IQCM: variants seen among roughly 807,000 people sequenced by gnomAD.
IQCM encodes the protein IQ domain-containing protein M.
IQCM carries 45 observed loss-of-function variants against 57.6 expected under a neutral mutation model. The observed-to-expected ratio is 0.78, with a 90% confidence interval of 0.62 to 1.00. The LOEUF (loss-of-function observed/expected upper bound fraction) is 1.00. Among genes scored for constraint, IQCM ranks in the 50% least tolerant of loss-of-function variants. The pLI is 0.00. For missense variants in IQCM, 468 were observed against 511.6 expected (o/e 0.91, Z 0.82); for synonymous variants, 148 against 158.9 (o/e 0.93, Z 0.51).
chr4:149,510,063 C>A lies in IQCM; in HGVS notation c.1228+38392G>T, dbSNP rs1006155118. On this transcript the variant is annotated intron_variant, in intron 12 of 13. Transcript: ENST00000636793. ...ATATTATATTCTAATATATTGCCAA[C>A]ATGATTTCCACAAAAATATAGCAAA... 4.6e-5 allele frequency among the ~76,000 whole-genome samples: 7 copies of A among 152,206 alleles called. No individual in the cohort carries two copies. In the South Asian group the frequency reaches 1.5e-3, roughly 32 times the overall value.
At chr4:149,713,748 T>C (rs1290655386) in intron 5 of IQCM, among the ~76,000 whole-genome samples, 1 of 145,154 alleles carries the variant, frequency 6.9e-6, no homozygotes, top group Non-Finnish European at 1.5e-5. Context: ...ATATTTTACA[T>C]TCCCATCTAA....
intron 7 of IQCM, among the ~76,000 whole-genome samples, chr4:149,657,423 A>G (rs920682853): frequency 3.3e-5 from 5 of 152,130 alleles, no homozygotes; most frequent in Non-Finnish European, 7.4e-5. Flanking sequence ...ATTGTTAAAC[A>G]CTTAGGTTGA....
chr4:149,518,774 A>G (rs897640667), intron 12 of IQCM, among the ~76,000 whole-genome samples: 1 of 152,224 alleles, frequency 6.6e-6, no homozygotes, highest in Non-Finnish European at 1.5e-5. Context: ...CCAAGGAGCC[A>G]GACCAGGGAG....
intron 2 of IQCM, among the ~76,000 whole-genome samples, chr4:149,752,156 A>G (rs1768509652): frequency 6.6e-6 from 1 of 152,238 alleles, no homozygotes; most frequent in Non-Finnish European, 1.5e-5. Flanking sequence ...TGCATACAGT[A>G]TCATGTCTAG....
chr4:149,639,811 C>T (rs2150112252), intron 7 of IQCM, among the ~76,000 whole-genome samples: 1 of 152,210 alleles, frequency 6.6e-6, no homozygotes, highest in East Asian at 1.9e-4. Flanking sequence ...CATCTGTAGT[C>T]CCAGCTACTT....
intron 10 of IQCM, among the ~76,000 whole-genome samples, chr4:149,554,460 G>T (rs1749343052): frequency 6.6e-6 from 1 of 151,926 alleles, no homozygotes; most frequent in Admixed American, 6.6e-5. Flanking sequence ...GGGACTACAG[G>T]CACTCACCAT....
chr4:149,465,874 C>G (rs1738808865), intron 12 of IQCM, among the ~76,000 whole-genome samples: 1 of 151,876 alleles, frequency 6.6e-6, no homozygotes, highest in Admixed American at 6.6e-5. Context: ...TCAGGTGGCA[C>G]AGGGAGGACT....
At chr4:149,578,589 ACT>A (rs1751877976) in intron 9 of IQCM, among the ~76,000 whole-genome samples, 1 of 151,618 alleles carries the variant, frequency 6.6e-6, no homozygotes, top group Non-Finnish European at 1.5e-5. Context: ...AGAAGAGCTG[ACT>A]CTACCTACTC....
At chr4:149,667,060 A>G (rs1169206008) in intron 7 of IQCM, among the ~76,000 whole-genome samples, 33 of 152,180 alleles carry the variant, frequency 2.2e-4, no homozygotes, top group Admixed American at 2.1e-3. Flanking sequence ...ATCTCCCAGC[A>G]CAGCACTTGA....
chr4:149,589,082 G>C (rs1385933495), intron 8 of IQCM, among the ~76,000 whole-genome samples: 1 of 151,846 alleles, frequency 6.6e-6, no homozygotes, highest in Non-Finnish European at 1.5e-5. Context: ...CATTCAGTGT[G>C]GTCCAAATGT....
intron 7 of IQCM, among the ~76,000 whole-genome samples, chr4:149,664,915 G>A (rs1435884363): frequency 6.6e-6 from 1 of 152,160 alleles, no homozygotes; most frequent in Non-Finnish European, 1.5e-5. Flanking sequence ...CACAGGCGCA[G>A]CAGGTCAGCT....
chr4:149,542,441 C>G (rs1258020370), intron 12 of IQCM, among the ~76,000 whole-genome samples: 1 of 152,028 alleles, frequency 6.6e-6, no homozygotes, highest in Non-Finnish European at 1.5e-5. Context: ...AAAATGTCTG[C>G]ACATAGTAGA....
At chr4:149,409,484 T>C (rs950185384) in intron 13 of IQCM, among the ~76,000 whole-genome samples, 1 of 152,258 alleles carries the variant, frequency 6.6e-6, no homozygotes, top group Non-Finnish European at 1.5e-5. Flanking sequence ...TTTTGTTCTA[T>C]TTTGTGAACG....
chr4:149,656,936 G>C (rs896289386), intron 7 of IQCM, among the ~76,000 whole-genome samples: 3 of 152,136 alleles, frequency 2.0e-5, no homozygotes. Context: ...TGTTAATCAT[G>C]GCTGAGAGAC....
intron 10 of IQCM, among the ~76,000 whole-genome samples, chr4:149,558,904 C>T (rs1749850646): frequency 6.6e-6 from 1 of 152,180 alleles, no homozygotes; most frequent in African/African-American, 2.4e-5. Context: ...GGATTTCCCA[C>T]AAAAGTTTTA....
chr4:149,354,227 A>G (rs1366474963), intron 13 of IQCM, among the ~76,000 whole-genome samples: 1 of 147,402 alleles, frequency 6.8e-6, no homozygotes, highest in Non-Finnish European at 1.5e-5. Flanking sequence ...AGCCGGGCGT[A>G]GTGGCGGGCG....
chr4:149,765,305 A>G (rs1769936684), intron 2 of IQCM, among the ~76,000 whole-genome samples: 1 of 152,130 alleles, frequency 6.6e-6, no homozygotes, highest in South Asian at 2.1e-4. Context: ...GACATTGGCC[A>G]AGATAAAAAT....
intron 13 of IQCM, among the ~76,000 whole-genome samples, chr4:149,402,517 A>C (rs2111135523): frequency 6.6e-6 from 1 of 151,954 alleles, no homozygotes; most frequent in East Asian, 1.9e-4. Flanking sequence ...CTTCCCATGA[A>C]GGTGAAGGGG....
intron 5 of IQCM, among the ~76,000 whole-genome samples, chr4:149,723,869 A>G (rs1488783581): frequency 6.6e-6 from 1 of 150,790 alleles, no homozygotes; most frequent in Non-Finnish European, 1.5e-5. Flanking sequence ...ATTGATACCA[A>G]TTCTACTTTG....
Sources: allele counts gnomAD v4.1 joint callset (sites outside exome capture counted in the v4.1 genomes callset), GRCh38; gene constraint gnomAD v4.1.1; transcripts MANE v1.5; gene names NCBI Gene and HGNC (gene_info 2026-07-23, HGNC 2026-07-21).